The following KCNN2 variants were observed in gnomAD, a reference collection of about 807,000 sequenced individuals.
KCNN2 encodes the protein small conductance calcium-activated potassium channel protein 2.
Under a neutral mutation model 55.5 loss-of-function variants are expected in KCNN2, and 24 were observed. The observed-to-expected ratio is 0.43, with a 90% CI of 0.31 to 0.61. The LOEUF (loss-of-function observed/expected upper bound fraction) is 0.61, where lower values mean the gene tolerates loss of function less well. Ranked by LOEUF, KCNN2 falls within the 20% of genes least tolerant of loss-of-function variation. The pLI is 0.08. For synonymous variants in KCNN2, 431 were observed against 336.1 expected (o/e 1.28, Z -3.09); for missense variants, 754 against 853.6 (o/e 0.88, Z 1.45).
intron 1 of KCNN2, among the ~76,000 whole-genome samples, chr5:114,123,915 T>C (rs1388137381): frequency 6.6e-6 from 1 of 152,196 alleles, no homozygotes. Context: ...CTACACCAGG[T>C]CTTGTCAGTT....
intron 2 of KCNN2, among the ~76,000 whole-genome samples, chr5:114,323,649 A>ATTTTTTTTTTT (rs6149185): frequency 0.17 from 14,416 of 84,010 alleles, 3,413 homozygotes; most frequent in Non-Finnish European, 0.19. Context: ...AAACATATCA[A>ATTTTTTTTTTT]TTTTTTTTTT....
chr5:114,249,751 A>G lies in KCNN2; in HGVS notation c.-185+28186A>G, dbSNP rs868835939. On this transcript the variant is annotated intron_variant, in intron 2 of 10. Coordinates refer to the KCNN2 transcript ENST00000512097. ...AAAAAAAAACCCTAGCTTCAAAAAAAAAAAAAAAAAAGAATGGGCAGCATT... is the reference window on the plus strand; with the variant it reads ...AAAAAAAAACCCTAGCTTCAAAAAAGAAAAAAAAAAAGAATGGGCAGCATT... Among the ~76,000 whole-genome samples, 180 of 150,528 alleles carry G rather than the reference A, an allele frequency of 1.2e-3. 1 individual carries two copies. The highest frequency in any genetic ancestry group is 0.01 in the Middle Eastern group (3 of 292).
intron 1 of KCNN2, among the ~76,000 whole-genome samples, chr5:114,168,048 A>T (rs1045575027): frequency 5.9e-5 from 9 of 151,952 alleles, no homozygotes; most frequent in African/African-American, 1.9e-4. Context: ...TTGTATAGCT[A>T]GTTTCTGATT....
intron 2 of KCNN2, among the ~76,000 whole-genome samples, chr5:114,397,347 G>A (rs1213995031): frequency 6.6e-6 from 1 of 152,116 alleles, no homozygotes; most frequent in Non-Finnish European, 1.5e-5. Flanking sequence ...CCAGAAGTGT[G>A]TAAGTATTCC....
chr5:114,262,821 GA>G (rs1031654003), intron 2 of KCNN2, among the ~76,000 whole-genome samples: 5 of 151,896 alleles, frequency 3.3e-5, no homozygotes, highest in African/African-American at 1.2e-4. Context: ...GTATGACCTG[GA>G]AAAAAAATGA....
In KCNN2 at chr5:114,103,273, A is replaced by C. The variant is rs968646502; in HGVS notation, c.-271+46773A>C. ...ATATAGGAATGCTTGTGATTTTTGC[A>C]AATTGTATCCTGAGACGGCTGAAGT... On this transcript the variant is annotated intron_variant, in intron 1 of 10. Coordinates refer to the KCNN2 transcript ENST00000512097. Among the ~76,000 whole-genome samples the C allele has an allele frequency of 1.3e-5, 2 of 152,108 alleles. 1 individual carries two copies. The highest frequency in any genetic ancestry group is 4.8e-5 in the African/African-American group (2 of 41,430).
chr5:114,493,544 A>G lies in KCNN2; in HGVS notation c.2088+72A>G. 9 of 1,048,452 alleles carry G rather than the reference A, an allele frequency of 8.6e-6. No individual in the cohort carries two copies. The South Asian group carries it at 8.9e-5, about 10-fold the overall frequency. 64.9% of individuals were successfully genotyped at this position (1,048,452 alleles called of 1,614,324 possible). A position where few individuals can be genotyped will look rare whatever the true frequency, so the allele number is the denominator to read the frequency against. On this transcript the variant is annotated intron_variant, in intron 7 of 7. Coordinates refer to ENST00000673685, the MANE Select transcript of KCNN2 (RefSeq NM_021614.4). ...ACCACTTCACAGTCACTAATCATGA[A>G]TGTTTCAAGAGGATCCCAACCCAAA... is the stretch of plus-strand genomic sequence containing the variant.
At position 114,251,870 on chromosome 5, in the gene KCNN2, T is replaced by C. The variant is rs1754869201; in HGVS notation, c.-185+30305T>C. On this transcript the variant is annotated intron_variant, in intron 2 of 10. Coordinates refer to the KCNN2 transcript ENST00000512097. ...TTTATATGGTTTTTCTGTTTTTTCTTTTTCTTTTTCTTTTTTTTTTTTTTT... is the reference window on the plus strand; with the variant it reads ...TTTATATGGTTTTTCTGTTTTTTCTCTTTCTTTTTCTTTTTTTTTTTTTTT... Among the ~76,000 whole-genome samples, 3 of 148,760 alleles carry C rather than the reference T, an allele frequency of 2.0e-5. No individual in the cohort carries two copies. In the Admixed American group the frequency reaches 2.1e-4, roughly 10 times the overall value.
At chr5:114,242,866 TA>T (rs1478070809) in intron 2 of KCNN2, among the ~76,000 whole-genome samples, 21 of 152,194 alleles carry the variant, frequency 1.4e-4, no homozygotes, top group African/African-American at 4.6e-4. Context: ...AAAATAAAAA[TA>T]AATTGGCCAT....
intron 2 of KCNN2, among the ~76,000 whole-genome samples, chr5:114,315,429 G>A (rs1260311102): frequency 1.7e-5 from 1 of 59,942 alleles, no homozygotes. Flanking sequence ...AACTGTGTGT[G>A]TGTGTGTGTG....
chr5:114,355,068 A>G (rs1336754949), intron 2 of KCNN2, among the ~76,000 whole-genome samples: 3 of 152,150 alleles, frequency 2.0e-5, no homozygotes, highest in Non-Finnish European at 4.4e-5. Context: ...AACTTAGCAA[A>G]TTGTGGTTCT....
At chr5:114,356,107 G>C (rs1402281704) in intron 2 of KCNN2, among the ~76,000 whole-genome samples, 1 of 152,142 alleles carries the variant, frequency 6.6e-6, no homozygotes, top group African/African-American at 2.4e-5. Context: ...AGAGCTAGCA[G>C]AGTGTAAAAC....
chr5:114,266,332 A>G (rs1358947039), intron 2 of KCNN2, among the ~76,000 whole-genome samples: 2 of 152,138 alleles, frequency 1.3e-5, no homozygotes, highest in African/African-American at 4.8e-5. Flanking sequence ...TATCTTATGT[A>G]TCTTATTCTG....
intron 1 of KCNN2, among the ~76,000 whole-genome samples, chr5:114,191,926 T>C (rs911394381): frequency 9.2e-5 from 14 of 152,176 alleles, no homozygotes; most frequent in Admixed American, 7.9e-4. Context: ...ATTAATGTGG[T>C]AAGAATGGAT....
chr5:114,148,773 G>T (rs955335215), intron 1 of KCNN2, among the ~76,000 whole-genome samples: 1 of 152,098 alleles, frequency 6.6e-6, no homozygotes, highest in African/African-American at 2.4e-5. Flanking sequence ...TCATCACCAG[G>T]TTCCTCCTCT....
chr5:114,126,018 AG>A (rs2112604188), intron 1 of KCNN2, among the ~76,000 whole-genome samples: 1 of 152,234 alleles, frequency 6.6e-6, no homozygotes, highest in South Asian at 2.1e-4. Context: ...TTGGTTTTCT[AG>A]CAATCTTTGG....
At chr5:114,292,604 A>G (rs893312645) in intron 2 of KCNN2, among the ~76,000 whole-genome samples, 1 of 152,148 alleles carries the variant, frequency 6.6e-6, no homozygotes, top group African/African-American at 2.4e-5. Flanking sequence ...GCCTTGTAGT[A>G]TAGTTTGAAG....
chr5:114,272,554 G>T (rs1755376930), intron 2 of KCNN2, among the ~76,000 whole-genome samples: 1 of 151,846 alleles, frequency 6.6e-6, no homozygotes, highest in Non-Finnish European at 1.5e-5. Context: ...ATTTTGAAAG[G>T]GCTAATACTA....
At position 114,487,085 on chromosome 5, in the gene KCNN2, A is replaced by T. The variant is rs142385585; in HGVS notation, c.1926A>T (p.Thr642=). Residue 642 remains threonine, a synonymous_variant, in exon 6 of 8, where the codon ACA becomes ACT. Coordinates refer to ENST00000673685, the MANE Select transcript of KCNN2 (RefSeq NM_021614.4). ...CAGCTGCCAATGTACTCAGGGAAACATGGCTAATTTACAAAAATACAAAGC... is the reference window on the plus strand; with the variant it reads ...CAGCTGCCAATGTACTCAGGGAAACTTGGCTAATTTACAAAAATACAAAGC... ...KNAAANVLRE[T]WLIYKNTKLV... 69 of 1,612,796 alleles carry T rather than the reference A, an allele frequency of 4.3e-5. No homozygotes were observed. Among genetic ancestry groups the T allele is most frequent in the Admixed American group, 2.8e-4 (17 of 59,938 alleles).
Sources: allele counts gnomAD v4.1 joint callset (sites outside exome capture counted in the v4.1 genomes callset), GRCh38; gene constraint gnomAD v4.1.1; transcripts MANE v1.5; gene names NCBI Gene and HGNC (gene_info 2026-07-23, HGNC 2026-07-21).